The following RBFOX1 variants were observed in gnomAD, a reference collection of about 807,000 sequenced individuals.
RBFOX1 encodes RNA binding fox-1 homolog 1, also known as RNA binding protein fox-1 homolog 1.
RBFOX1 carries 8 observed loss-of-function variants against 57.7 expected under a neutral mutation model. The ratio of observed to expected loss-of-function variants is 0.14; its 90% CI spans 0.08 to 0.25. The LOEUF (loss-of-function observed/expected upper bound fraction) is 0.25, where lower values mean the gene tolerates loss of function less well. RBFOX1 is among the 10% of genes least tolerant of loss of function. The pLI is 1.00. For synonymous variants in RBFOX1, 326 were observed against 222.4 expected (o/e 1.47, Z -4.15); for missense variants, 611 against 548.5 (o/e 1.11, Z -1.14).
chr16:5,814,442 C>T (rs1379166371), intron 3 of RBFOX1, among the ~76,000 whole-genome samples: 1 of 152,180 alleles, frequency 6.6e-6, no homozygotes, highest in African/African-American at 2.4e-5. Context: ...ACAATAATAA[C>T]AATAAATATA....
intron 4 of RBFOX1, among the ~76,000 whole-genome samples, chr16:7,172,265 A>G (rs182463115): frequency 3.6e-4 from 55 of 152,276 alleles, no homozygotes; most frequent in African/African-American, 1.3e-3. Context: ...AGGGTTTTCA[A>G]ACCCCATCAA....
At chr16:5,887,057 G>C (rs1300462815) in intron 4 of RBFOX1, among the ~76,000 whole-genome samples, 1 of 152,174 alleles carries the variant, frequency 6.6e-6, no homozygotes, top group East Asian at 1.9e-4. Context: ...CTACTCCCTA[G>C]ATGTCGGTAG....
chr16:5,509,177 C>G (rs1567175868), intron 2 of RBFOX1, among the ~76,000 whole-genome samples: 1 of 152,176 alleles, frequency 6.6e-6, no homozygotes, highest in Non-Finnish European at 1.5e-5. Context: ...GGGATTTGTA[C>G]TTTGATGCCC....
rs536979553 is a variant in RBFOX1 at position 7,011,967 on chromosome 16, T to C, written c.-15-40090T>C. 2.3e-4 allele frequency among the ~76,000 whole-genome samples: 35 copies of C among 152,274 alleles called. No individual in the cohort carries two copies. In the South Asian group the frequency reaches 5.8e-3, roughly 25 times the overall value. ...TACGCCCTTCATTAATCCTCTGACA[T>C]TGGCTAAGTAGATCATGATGTGGTG... is the stretch of plus-strand genomic sequence containing the variant. On this transcript the variant is annotated intron_variant, in intron 3 of 15. Coordinates refer to ENST00000550418, the MANE Select transcript of RBFOX1 (RefSeq NM_018723.4).
chr16:7,617,356 T>C (rs1413330572), intron 10 of RBFOX1, among the ~76,000 whole-genome samples: 1 of 152,200 alleles, frequency 6.6e-6, no homozygotes, highest in Non-Finnish European at 1.5e-5. Flanking sequence ...ACAATTTTCA[T>C]GTGTCACAAA....
At chr16:5,462,300 C>G (rs1332513213) in intron 1 of RBFOX1, among the ~76,000 whole-genome samples, 2 of 151,752 alleles carry the variant, frequency 1.3e-5, no homozygotes, top group East Asian at 3.9e-4. Context: ...TCCCGAGTAG[C>G]TGGGACTACA....
intron 4 of RBFOX1, among the ~76,000 whole-genome samples, chr16:7,227,311 A>C (rs1373778001): frequency 9.6e-6 from 1 of 104,418 alleles, no homozygotes; most frequent in Non-Finnish European, 2.1e-5. Context: ...CACACACAGC[A>C]AGGGAGGAAT....
intron 1 of RBFOX1, among the ~76,000 whole-genome samples, chr16:6,195,874 A>C (rs2097176746): frequency 6.6e-6 from 1 of 152,186 alleles, no homozygotes; most frequent in Non-Finnish European, 1.5e-5. Context: ...TATGTGATTT[A>C]GGAATCATGA....
chr16:6,389,051 T>G (rs1313848729), intron 2 of RBFOX1, among the ~76,000 whole-genome samples: 1 of 152,184 alleles, frequency 6.6e-6, no homozygotes, highest in East Asian at 1.9e-4. Context: ...TAAATTCCCT[T>G]TTTTTAGTCT....
intron 4 of RBFOX1, among the ~76,000 whole-genome samples, chr16:7,358,891 A>G (rs566021563): frequency 1.6e-4 from 24 of 152,344 alleles, no homozygotes; most frequent in African/African-American, 5.8e-4. Context: ...ATGAGACAGT[A>G]AGACCATTCT....
chr16:5,351,786 G>T (rs902347996), intron 1 of RBFOX1, among the ~76,000 whole-genome samples: 3 of 151,964 alleles, frequency 2.0e-5, no homozygotes, highest in African/African-American at 7.2e-5. Flanking sequence ...GAAGCTTTAG[G>T]CTCTAAGTCT....
intron 3 of RBFOX1, among the ~76,000 whole-genome samples, chr16:5,712,173 A>G (rs1034170129): frequency 6.6e-6 from 1 of 152,168 alleles, no homozygotes; most frequent in Non-Finnish European, 1.5e-5. Flanking sequence ...AACTGCCCCC[A>G]TGATCCAATC....
intron 3 of RBFOX1, among the ~76,000 whole-genome samples, chr16:5,849,668 G>A (rs1275149231): frequency 3.3e-5 from 5 of 152,140 alleles, no homozygotes; most frequent in Non-Finnish European, 7.4e-5. Context: ...CCTGTTGCGT[G>A]GCCCCCTCAC....
At chr16:7,700,286 T>A (rs544653543) in intron 14 of RBFOX1, among the ~76,000 whole-genome samples, 5 of 152,292 alleles carry the variant, frequency 3.3e-5, no homozygotes, top group African/African-American at 1.2e-4. Flanking sequence ...CCTTAACTAG[T>A]AATCATAACC....
At chr16:5,989,989 G>A (rs1410777807) in intron 4 of RBFOX1, among the ~76,000 whole-genome samples, 1 of 151,946 alleles carries the variant, frequency 6.6e-6, no homozygotes, top group Non-Finnish European at 1.5e-5. Context: ...CCTCACACCA[G>A]CCTTTTTGTT....
intron 14 of RBFOX1, among the ~76,000 whole-genome samples, chr16:7,708,311 C>T (rs2083168192): frequency 6.6e-6 from 1 of 152,164 alleles, no homozygotes; most frequent in African/African-American, 2.4e-5. Context: ...CATCTCTTCT[C>T]CATTTTTATC....
intron 3 of RBFOX1, among the ~76,000 whole-genome samples, chr16:6,672,400 A>G (rs1299607974): frequency 1.3e-5 from 2 of 151,176 alleles, no homozygotes; most frequent in African/African-American, 4.9e-5. Flanking sequence ...AGAGAGAGAA[A>G]AGGAAGGACG....
intron 2 of RBFOX1, among the ~76,000 whole-genome samples, chr16:5,571,820 A>C (rs2046294103): frequency 1.3e-5 from 2 of 152,144 alleles, no homozygotes; most frequent in African/African-American, 2.4e-5. Flanking sequence ...CTCTTCTTCC[A>C]AATATAGTCT....
At chr16:7,006,582 T>C (rs185870213) in intron 3 of RBFOX1, among the ~76,000 whole-genome samples, 16 of 152,122 alleles carry the variant, frequency 1.1e-4, no homozygotes, top group Admixed American at 4.6e-4. Context: ...CCTGAGTAGG[T>C]AGGACTAGAG....
Sources: allele counts gnomAD v4.1 joint callset (sites outside exome capture counted in the v4.1 genomes callset), GRCh38; gene constraint gnomAD v4.1.1; transcripts MANE v1.5; gene names NCBI Gene and HGNC (gene_info 2026-07-23, HGNC 2026-07-21).